CARD19: variants seen among roughly 807,000 people sequenced by gnomAD.
CARD19 encodes caspase recruitment domain family member 19.
CARD19 carries 25 observed loss-of-function variants against 24.1 expected under a neutral mutation model. The observed-to-expected ratio is 1.04, with a 90% CI of 0.76 to 1.45. The LOEUF is 1.45. Ranked by LOEUF, CARD19 falls within the 40% of genes most tolerant of loss-of-function variation. CARD19 has a pLI of 0.00. For missense variants in CARD19, 241 were observed against 247.4 expected (o/e 0.97, Z 0.17); for synonymous variants, 103 against 104.9 (o/e 0.98, Z 0.11).
At chr9:93,111,840 T>C in intron 3 of CARD19, 39 bp from the exon 4 acceptor site, 1 of 1,602,356 alleles carries the variant, frequency 6.2e-7, no homozygotes, top group Non-Finnish European at 8.5e-7. Flanking sequence ...CCTCCGGCCC[T>C]GCCCGTTGAC....
chr9:93,109,382 C>G (rs1298032896), intron 2 of CARD19, among the ~76,000 whole-genome samples: 1 of 151,970 alleles, frequency 6.6e-6, no homozygotes, highest in Non-Finnish European at 1.5e-5. Context: ...GACTCCAGGT[C>G]CTGGAGGTCA....
intron 2 of CARD19, chr9:93,109,815 A>G (rs1016981471): frequency 2.6e-5 from 4 of 152,100 alleles, no homozygotes; most frequent in Non-Finnish European, 5.9e-5. Context: ...TAGACTGAAA[A>G]ATAACAGAAG....
At chr9:93,099,605 G>A (rs189986102) in intron 1 of CARD19, among the ~76,000 whole-genome samples, 35 of 152,370 alleles carry the variant, frequency 2.3e-4, no homozygotes, top group African/African-American at 7.7e-4. Flanking sequence ...ATTGCTCTGT[G>A]AATTTTGGCT....
At chr9:93,108,743 T>TG (rs1827355888) in intron 2 of CARD19, among the ~76,000 whole-genome samples, 1 of 152,232 alleles carries the variant, frequency 6.6e-6, no homozygotes, top group Non-Finnish European at 1.5e-5. Context: ...CCAGGGCCAG[T>TG]GGCTGTCACT....
intron 1 of CARD19, among the ~76,000 whole-genome samples, chr9:93,100,441 C>T (rs1032287052): frequency 1.3e-5 from 2 of 152,228 alleles, no homozygotes; most frequent in African/African-American, 4.8e-5. Flanking sequence ...TCCCAAAGTG[C>T]TGGGATGACA....
At position 93,110,708 on chromosome 9, in the gene CARD19, C is replaced by G; in HGVS notation, c.291C>G (p.Ser97Arg). Residue 97 changes from serine to arginine, a missense_variant, in exon 3 of 6, where the codon AGC (serine) becomes AGG (arginine). Physicochemically the swap from Ser to Arg is moderately radical, Grantham distance 110 (BLOSUM62 -1). Transcript: ENST00000375464. ...AGCCCCTGCACAGCCGCCTGCCCAG[C>G]CGCCACGCTCTGCGTAAGTTCCACA... ...HAQPLHSRLP[S>R]RHALQNSDCT... 6.2e-7 allele frequency: 1 copy of G among 1,611,616 alleles called. No individual in the cohort carries two copies. Among genetic ancestry groups the G allele is most frequent in the East Asian group, 2.2e-5 (1 of 44,868 alleles).
intron 2 of CARD19, 71 bp downstream of exon 2, chr9:93,107,887 G>A: frequency 6.3e-7 from 1 of 1,584,598 alleles, no homozygotes; most frequent in East Asian, 2.2e-5. Context: ...GGGAGAAGCT[G>A]GTGACCAGCC....
chr9:93,106,969 G>A (rs1827286244), intron 1 of CARD19, among the ~76,000 whole-genome samples: 1 of 151,824 alleles, frequency 6.6e-6, no homozygotes, highest in South Asian at 2.1e-4. Context: ...TGGAAAAGGT[G>A]GTAAAATGAT....
At chr9:93,101,327 C>T (rs548918076) in intron 1 of CARD19, among the ~76,000 whole-genome samples, 1 of 152,328 alleles carries the variant, frequency 6.6e-6, no homozygotes, top group African/African-American at 2.4e-5. Flanking sequence ...GATCTGCCCA[C>T]CTCAGCCTCC....
chr9:93,110,404 A>C, intron 2 of CARD19, 164 bp from the exon 3 acceptor site: 1 of 1,107,052 alleles, frequency 9.0e-7, no homozygotes, highest in Non-Finnish European at 1.3e-6. Flanking sequence ...GCCAGGCACT[A>C]TGTGGTGTGG....
At chr9:93,097,622 C>G (rs1826928762) in intron 1 of CARD19, among the ~76,000 whole-genome samples, 3 of 152,188 alleles carry the variant, frequency 2.0e-5, no homozygotes, top group Admixed American at 2.0e-4. Flanking sequence ...GGACACAACT[C>G]AGAGCTGTGT....
chr9:93,101,716 G>T lies in CARD19; in HGVS notation c.7+5364G>T, dbSNP rs186651352. On this transcript the variant is annotated intron_variant, in intron 1 of 5. Transcript: ENST00000375464. Reference sequence around the variant, plus strand: ...GCCTCCCAAAGTGCTGGGATTACAGGTGTGAGCCACCGTGCCGGCCATCAC... The same window carrying T: ...GCCTCCCAAAGTGCTGGGATTACAGTTGTGAGCCACCGTGCCGGCCATCAC... Among the ~76,000 whole-genome samples the T allele has an allele frequency of 1.2e-4, 18 of 152,186 alleles. 1 individual carries two copies. Among genetic ancestry groups the T allele is most frequent in the Admixed American group, 6.5e-4 (10 of 15,288 alleles).
In CARD19 at chr9:93,107,781, T is replaced by C. The variant is rs1293502557; in HGVS notation, c.115T>C (p.Tyr39His). ...GATCATCCTCCAGCTGAACCGTTAC[T>C]ACCCACAGATCCTTACCAACAAGGA... ...DRIILQLNRYYPQILTNKEAE... is the reference protein window; with the variant it reads ...DRIILQLNRYHPQILTNKEAE... Residue 39 changes from tyrosine (Y) to histidine (H), a missense_variant, in exon 2 of 6, where the codon TAC (tyrosine) becomes CAC (histidine). Physicochemically the swap from Tyr to His is moderately conservative, Grantham distance 83 (BLOSUM62 2). Transcript: ENST00000375464. 3.7e-6 allele frequency: 6 copies of C among 1,614,178 alleles called. No individual in the cohort carries two copies. In the East Asian group the frequency reaches 1.3e-4, roughly 36 times the overall value.
intron 3 of CARD19, 157 bp downstream of exon 3, chr9:93,110,878 C>A: frequency 1.3e-6 from 2 of 1,533,086 alleles, no homozygotes; most frequent in Non-Finnish European, 1.7e-6. Flanking sequence ...CAGAGGCCAC[C>A]CTCTGGCCCC....
At chr9:93,109,119 C>T (rs1827368358) in intron 2 of CARD19, 1 of 152,330 alleles carries the variant, frequency 6.6e-6, no homozygotes, top group Non-Finnish European at 1.5e-5. Context: ...GAAGGTGGTA[C>T]AGTAATTTTA....
At chr9:93,111,191 G>T (rs1397718109) in intron 3 of CARD19, 1 of 1,186,506 alleles carries the variant, frequency 8.4e-7, no homozygotes, top group Admixed American at 3.8e-5. Context: ...ATAGGACATT[G>T]TCAGGCACGG....
intron 1 of CARD19, 31 bp from the exon 2 acceptor site, chr9:93,107,643 C>T (rs752179283): frequency 1.0e-4 from 164 of 1,613,050 alleles, no homozygotes; most frequent in Non-Finnish European, 1.3e-4. Context: ...TTGGGCTGTG[C>T]TGGCTCATGA....
At chr9:93,101,155 G>A (rs1827064489) in intron 1 of CARD19, among the ~76,000 whole-genome samples, 1 of 152,104 alleles carries the variant, frequency 6.6e-6, no homozygotes, top group South Asian at 2.1e-4. Flanking sequence ...TTGGCTTAGT[G>A]CAACCTCCGC....
At position 93,096,545 on chromosome 9, in the gene CARD19, C is replaced by T. The variant is rs1826866914; in HGVS notation, c.7+193C>T. 6.6e-6 allele frequency among the ~76,000 whole-genome samples: 1 copy of T among 152,070 alleles called. No individual in the cohort carries two copies. Among genetic ancestry groups the T allele is most frequent in the African/African-American group, 2.4e-5 (1 of 41,412 alleles). ...GTGGTGGGTGTCCCGGGGCTTCTAC[C>T]CGGCGGGGCCGTGCCAGCCGAGGCG... On this transcript the variant is annotated intron_variant, in intron 1 of 5. Coordinates refer to ENST00000375464, the MANE Select transcript of CARD19 (RefSeq NM_032310.5). This position sits in a 1 kb window ranked among gnomAD's most constrained non-coding sequence, Gnocchi z 5.4.
Sources: allele counts gnomAD v4.1 joint callset (sites outside exome capture counted in the v4.1 genomes callset), GRCh38; gene constraint gnomAD v4.1.1; non-coding constraint Gnocchi (gnomAD v3.1); transcripts MANE v1.5; gene names NCBI Gene and HGNC (gene_info 2026-07-23, HGNC 2026-07-21).